CCDC91: variants seen among roughly 807,000 people sequenced by gnomAD.
The protein encoded by CCDC91 is coiled-coil domain-containing protein 91.
In CCDC91, 48 loss-of-function variants were observed where a neutral mutation model predicts 63.2. The ratio of observed to expected loss-of-function variants is 0.76; its 90% CI spans 0.60 to 0.97. The LOEUF (loss-of-function observed/expected upper bound fraction) is 0.97, where lower values mean the gene tolerates loss of function less well. Ranked by LOEUF, CCDC91 falls within the 50% of genes least tolerant of loss-of-function variation. The probability of loss-of-function intolerance (pLI) is 0.00; values close to 1 mark genes in which losing one functional copy is unlikely to be tolerated. For synonymous variants in CCDC91, 167 were observed against 165.8 expected (o/e 1.01, Z -0.06); for missense variants, 500 against 494.6 (o/e 1.01, Z -0.10).
At chr12:28,507,948 G>T (rs546652518) in intron 12 of CCDC91, among the ~76,000 whole-genome samples, 13 of 151,916 alleles carry the variant, frequency 8.6e-5, no homozygotes, top group Non-Finnish European at 1.8e-4. Context: ...TCACCTTGGG[G>T]AAAGGGGACT....
chr12:28,424,314 A>G (rs999099495), intron 8 of CCDC91, among the ~76,000 whole-genome samples: 2 of 151,984 alleles, frequency 1.3e-5, no homozygotes, highest in African/African-American at 4.8e-5. Flanking sequence ...TGAATCCACC[A>G]TGTTTTTCCT....
At chr12:28,316,615 C>G (rs1183552048) in intron 6 of CCDC91, among the ~76,000 whole-genome samples, 1 of 41,184 alleles carries the variant, frequency 2.4e-5, no homozygotes, top group Non-Finnish European at 4.6e-5. Context: ...GGCTGTCATT[C>G]TGGTCCTTCT....
chr12:28,435,825 T>G (rs1210192058), intron 8 of CCDC91, among the ~76,000 whole-genome samples: 1 of 151,824 alleles, frequency 6.6e-6, no homozygotes, highest in African/African-American at 2.4e-5. Flanking sequence ...TATGTCTTTT[T>G]GGGGAAATTG....
chr12:28,330,403 A>C (rs543764335), intron 6 of CCDC91, among the ~76,000 whole-genome samples: 1 of 150,824 alleles, frequency 6.6e-6, no homozygotes, highest in South Asian at 2.1e-4. Context: ...TGTTGGCTGC[A>C]TAAATGTCTT....
At chr12:28,548,255 T>C (rs1379918395) in intron 12 of CCDC91, among the ~76,000 whole-genome samples, 1 of 152,060 alleles carries the variant, frequency 6.6e-6, no homozygotes, top group Non-Finnish European at 1.5e-5. Context: ...GTTTCAACAG[T>C]ATCAAATATT....
At chr12:28,498,225 A>T (rs1347426480) in intron 12 of CCDC91, among the ~76,000 whole-genome samples, 2 of 151,596 alleles carry the variant, frequency 1.3e-5, no homozygotes, top group African/African-American at 4.8e-5. Context: ...ATCAGTAGAG[A>T]GGTTATTGAA....
chr12:28,307,140 TA>T (rs1425075230), intron 5 of CCDC91, among the ~76,000 whole-genome samples, 195 bp downstream of exon 5: 2 of 152,014 alleles, frequency 1.3e-5, no homozygotes, highest in African/African-American at 4.8e-5. Context: ...CTTTTAAAGA[TA>T]TGAACATCGT....
rs1399120915 is a variant in CCDC91 at position 28,476,993 on chromosome 12, C to G, written c.1102-7059C>G. Reference sequence around the variant, plus strand: ...GCAATAATAATTAATAGCTTACCAACCAAAAGAAGTCCAGGACCAGACAGA... The same window carrying G: ...GCAATAATAATTAATAGCTTACCAAGCAAAAGAAGTCCAGGACCAGACAGA... On this transcript the variant is annotated intron_variant, in intron 11 of 12. Transcript: ENST00000536442. Among the ~76,000 whole-genome samples, 3 of 152,068 alleles carry G rather than the reference C, an allele frequency of 2.0e-5. No individual in the cohort carries two copies. The East Asian group carries it at 5.8e-4, about 29-fold the overall frequency.
chr12:28,428,227 G>A (rs1948432614), intron 8 of CCDC91, among the ~76,000 whole-genome samples: 1 of 152,012 alleles, frequency 6.6e-6, no homozygotes, highest in Non-Finnish European at 1.5e-5. Flanking sequence ...GGAGTATATT[G>A]TATAATAGAT....
intron 12 of CCDC91, among the ~76,000 whole-genome samples, chr12:28,486,671 A>G (rs1430179518): frequency 1.3e-5 from 2 of 152,106 alleles, no homozygotes; most frequent in African/African-American, 4.8e-5. Flanking sequence ...ACATGAAGCA[A>G]ATTAACTTTG....
At chr12:28,452,071 T>A (rs926678300) in intron 10 of CCDC91, among the ~76,000 whole-genome samples, 1 of 151,366 alleles carries the variant, frequency 6.6e-6, no homozygotes, top group Non-Finnish European at 1.5e-5. Context: ...TTTGTTAATA[T>A]CATGCAATTA....
intron 1 of CCDC91, among the ~76,000 whole-genome samples, chr12:28,244,585 T>A (rs934645013): frequency 1.5e-5 from 2 of 133,544 alleles, no homozygotes; most frequent in Non-Finnish European, 3.1e-5. Flanking sequence ...ACACTGGAGG[T>A]GACTTGCTGG....
chr12:28,521,055 G>T (rs962071141), intron 12 of CCDC91, among the ~76,000 whole-genome samples: 1 of 152,156 alleles, frequency 6.6e-6, no homozygotes. Context: ...GGCAATGCGG[G>T]CTCTTTTTGG....
intron 1 of CCDC91, among the ~76,000 whole-genome samples, chr12:28,231,149 G>C (rs1944569885): frequency 6.6e-6 from 1 of 152,010 alleles, no homozygotes; most frequent in Admixed American, 6.6e-5. Flanking sequence ...TTTCTATGTT[G>C]TAATTTTGGG....
chr12:28,269,761 T>C (rs887326327), intron 3 of CCDC91, among the ~76,000 whole-genome samples: 1 of 152,178 alleles, frequency 6.6e-6, no homozygotes, highest in African/African-American at 2.4e-5. Context: ...ACTTATGATA[T>C]TCCTCTGAAT....
chr12:28,204,574 C>T (rs1942703770), intron 1 of CCDC91, among the ~76,000 whole-genome samples: 2 of 152,104 alleles, frequency 1.3e-5, no homozygotes, highest in Admixed American at 1.3e-4. Flanking sequence ...GCTTTATATT[C>T]CTGCATTTTT....
chr12:28,307,078 T>C, intron 5 of CCDC91, 133 bp downstream of exon 5: 1 of 614,000 alleles, frequency 1.6e-6, no homozygotes, highest in Non-Finnish European at 2.8e-6. Flanking sequence ...AAAGCAGTCA[T>C]GAGCTTATCA....
chr12:28,494,690 T>G (rs1395430686), intron 12 of CCDC91, among the ~76,000 whole-genome samples: 2 of 151,684 alleles, frequency 1.3e-5, no homozygotes, highest in Non-Finnish European at 2.9e-5. Flanking sequence ...TATATAACCC[T>G]AAGATGAAAT....
chr12:28,310,206 C>T (rs1939175650), intron 6 of CCDC91, among the ~76,000 whole-genome samples: 1 of 152,002 alleles, frequency 6.6e-6, no homozygotes, highest in African/African-American at 2.4e-5. Context: ...TCTTTGTCTC[C>T]ACTGAATGAC....
Sources: allele counts gnomAD v4.1 joint callset (sites outside exome capture counted in the v4.1 genomes callset), GRCh38; gene constraint gnomAD v4.1.1; transcripts MANE v1.5; gene names NCBI Gene and HGNC (gene_info 2026-07-23, HGNC 2026-07-21).